SGMS1: variants seen among roughly 807,000 people sequenced by gnomAD.
The protein encoded by SGMS1 is phosphatidylcholine:ceramide cholinephosphotransferase 1.
In SGMS1, 13 loss-of-function variants were observed where a neutral mutation model predicts 46.2. That is an observed-to-expected ratio of 0.28 (90% CI 0.18 to 0.45). SGMS1 has a LOEUF of 0.45. Ranked by LOEUF, SGMS1 falls within the 20% of genes least tolerant of loss-of-function variation. The pLI, the probability that SGMS1 is intolerant of heterozygous loss-of-function variation, is 1.00. For synonymous variants in SGMS1, 203 were observed against 187.8 expected (o/e 1.08, Z -0.66); for missense variants, 324 against 519.9 (o/e 0.62, Z 3.66).
At chr10:50,428,868 A>T (rs1828754609) in intron 6 of SGMS1, among the ~76,000 whole-genome samples, 1 of 152,214 alleles carries the variant, frequency 6.6e-6, no homozygotes, top group African/African-American at 2.4e-5. Flanking sequence ...CCCATCATCA[A>T]AAATGCATTT....
chr10:50,396,964 A>G (rs1848856905), intron 6 of SGMS1, among the ~76,000 whole-genome samples: 1 of 152,190 alleles, frequency 6.6e-6, no homozygotes, highest in African/African-American at 2.4e-5. Flanking sequence ...GCACACTCTC[A>G]GGAGCTCAAG....
intron 3 of SGMS1, among the ~76,000 whole-genome samples, chr10:50,492,876 T>C (rs184642344): frequency 1.3e-5 from 2 of 152,208 alleles, no homozygotes; most frequent in Admixed American, 1.3e-4. Context: ...AGAACTCCAC[T>C]ATGGGCCAAA....
At chr10:50,485,582 T>G (rs866362115) in intron 3 of SGMS1, among the ~76,000 whole-genome samples, 3 of 152,154 alleles carry the variant, frequency 2.0e-5, no homozygotes, top group South Asian at 2.1e-4. Flanking sequence ...AGAGCCCATA[T>G]AGCCAAGACA....
chr10:50,505,962 C>T (rs1436738143), intron 3 of SGMS1, among the ~76,000 whole-genome samples: 2 of 152,214 alleles, frequency 1.3e-5, no homozygotes, highest in Admixed American at 1.3e-4. Context: ...TGGCACCAGC[C>T]TTCTCCCAGT....
At chr10:50,334,195 T>C (rs924221701) in intron 7 of SGMS1, among the ~76,000 whole-genome samples, 14 of 152,252 alleles carry the variant, frequency 9.2e-5, no homozygotes, top group Admixed American at 2.6e-4. Flanking sequence ...CTACTTGAGA[T>C]AGTTATGTAG....
chr10:50,530,143 A>G (rs923314456), intron 2 of SGMS1, among the ~76,000 whole-genome samples: 1 of 152,220 alleles, frequency 6.6e-6, no homozygotes, highest in African/African-American at 2.4e-5. Context: ...CTGTTAACAC[A>G]TAACTTAATT....
At chr10:50,434,520 G>T (rs188398955) in intron 5 of SGMS1, among the ~76,000 whole-genome samples, 25 of 152,200 alleles carry the variant, frequency 1.6e-4, no homozygotes, top group Admixed American at 5.2e-4. Context: ...CTGAACCATA[G>T]ACAGAAACCT....
At chr10:50,524,111 T>A (rs1350581323) in intron 2 of SGMS1, among the ~76,000 whole-genome samples, 2 of 152,236 alleles carry the variant, frequency 1.3e-5, no homozygotes, top group Non-Finnish European at 2.9e-5. Context: ...AAAGTGAGCA[T>A]CTGATGTAAA....
At chr10:50,313,555 A>AT (rs980225236) in intron 8 of SGMS1, among the ~76,000 whole-genome samples, 4 of 152,102 alleles carry the variant, frequency 2.6e-5, no homozygotes, top group South Asian at 4.2e-4. Context: ...AAACATTATA[A>AT]TTTTTTTTAA....
At chr10:50,539,072 C>T (rs1159134294) in intron 2 of SGMS1, among the ~76,000 whole-genome samples, 1 of 152,220 alleles carries the variant, frequency 6.6e-6, no homozygotes, top group African/African-American at 2.4e-5. Context: ...GCGTTCTTGC[C>T]ATGTGGGCAT....
At chr10:50,352,888 G>A (rs941370819) in intron 6 of SGMS1, among the ~76,000 whole-genome samples, 1 of 152,096 alleles carries the variant, frequency 6.6e-6, no homozygotes, top group East Asian at 1.9e-4. Context: ...ACTAAACCAG[G>A]AAGAAGTTGA....
intron 1 of SGMS1, among the ~76,000 whole-genome samples, chr10:50,599,543 T>G (rs1046375396): frequency 2.0e-5 from 3 of 152,128 alleles, no homozygotes; most frequent in Admixed American, 6.5e-5. Flanking sequence ...ACCATTGCAT[T>G]AACAGAATGG....
intron 2 of SGMS1, among the ~76,000 whole-genome samples, chr10:50,572,901 G>A (rs886509002): frequency 6.6e-6 from 1 of 152,122 alleles, no homozygotes; most frequent in Non-Finnish European, 1.5e-5. Context: ...CCCTAGACTA[G>A]CTTTCCTCTC....
At chr10:50,445,766 C>T (rs1311707757) in intron 5 of SGMS1, among the ~76,000 whole-genome samples, 3 of 152,226 alleles carry the variant, frequency 2.0e-5, no homozygotes, top group South Asian at 2.1e-4. Flanking sequence ...AGGATAACAG[C>T]GATGTTCAGG....
At chr10:50,361,034 C>T (rs963232457) in intron 6 of SGMS1, among the ~76,000 whole-genome samples, 1 of 152,190 alleles carries the variant, frequency 6.6e-6, no homozygotes, top group African/African-American at 2.4e-5. Flanking sequence ...CCTCTATCTA[C>T]TCACCTATAA....
chr10:50,466,998 A>C (rs1188655755), intron 3 of SGMS1, 66 bp from the exon 4 acceptor site: 1 of 152,194 alleles, frequency 6.6e-6, no homozygotes. Context: ...AAGAAAAAAA[A>C]CTAAAATCCA....
chr10:50,339,564 G>A (rs1414787826), intron 7 of SGMS1, among the ~76,000 whole-genome samples: 10 of 152,102 alleles, frequency 6.6e-5, no homozygotes. Context: ...CCTTACACTG[G>A]CCAGAATATA....
Position 50,582,569 on chromosome 10 carries a change from T to G in SGMS1, c.-589+7584A>C, listed in dbSNP as rs191301267. On this transcript the variant is annotated intron_variant, in intron 2 of 10. Coordinates refer to ENST00000361781, the MANE Select transcript of SGMS1 (RefSeq NM_147156.4). ...TGAAACTCAGAATACTGGATCTGAT[T>G]AAACCATCAGCAAACATTTCCCAAG... is the stretch of plus-strand genomic sequence containing the variant. Among the ~76,000 whole-genome samples the G allele has an allele frequency of 3.3e-5, 5 of 152,322 alleles. No homozygotes were observed. The East Asian group carries it at 9.6e-4, about 29-fold the overall frequency.
intron 5 of SGMS1, among the ~76,000 whole-genome samples, chr10:50,438,154 C>T (rs192074682): frequency 4.5e-4 from 69 of 152,320 alleles, no homozygotes; most frequent in African/African-American, 1.3e-3. Context: ...ATGTGTCAGA[C>T]TCTAAAGTGG....
Sources: allele counts gnomAD v4.1 joint callset (sites outside exome capture counted in the v4.1 genomes callset), GRCh38; gene constraint gnomAD v4.1.1; transcripts MANE v1.5; gene names NCBI Gene and HGNC (gene_info 2026-07-23, HGNC 2026-07-21).